CADPS: variants seen among roughly 807,000 people sequenced by gnomAD.
CADPS encodes the protein calcium dependent secretion activator, also known as calcium-dependent secretion activator 1.
A neutral mutation model predicts 167.3 loss-of-function variants in CADPS; 57 were observed. The ratio of observed to expected loss-of-function variants is 0.34; its 90% CI spans 0.28 to 0.42. The LOEUF (loss-of-function observed/expected upper bound fraction) is 0.42, where lower values mean the gene tolerates loss of function less well. Among genes scored for constraint, CADPS ranks in the 20% least tolerant of loss-of-function variants. CADPS has a pLI of 1.00. For missense variants in CADPS, 1,414 were observed against 1,738.1 expected, an observed-to-expected ratio of 0.81 and a Z score of 3.32; for synonymous variants, 676 against 635.3, an observed-to-expected ratio of 1.06 and a Z score of -0.96.
At chr3:62,656,124 G>A (rs965015463) in intron 4 of CADPS, among the ~76,000 whole-genome samples, 1 of 152,150 alleles carries the variant, frequency 6.6e-6, no homozygotes, top group Non-Finnish European at 1.5e-5. Context: ...ATTGTGAAAA[G>A]TAGAGATCAT....
chr3:62,552,334 A>T (rs1222682509), intron 10 of CADPS, among the ~76,000 whole-genome samples: 3 of 152,078 alleles, frequency 2.0e-5, no homozygotes, highest in Non-Finnish European at 4.4e-5. Flanking sequence ...CATATGTAAC[A>T]AACCTGCACG....
At position 62,718,718 on chromosome 3, in the gene CADPS, A is replaced by T. The variant is rs17067014; in HGVS notation, c.888+34723T>A. 4.2e-3 allele frequency among the ~76,000 whole-genome samples: 636 copies of T among 152,372 alleles called. 10 individuals carry two copies. The highest frequency in any genetic ancestry group is 0.028 in the Admixed American group (423 of 15,306). On this transcript the variant is annotated intron_variant, in intron 3 of 29. Coordinates refer to ENST00000383710, the MANE Select transcript of CADPS (RefSeq NM_003716.4). ...CTAATCCTACATTTCTGAAAGACAG[A>T]GTGCAACCCACATTCCCAGGAGGGA...
At chr3:62,603,805 G>T (rs1179464502) in intron 6 of CADPS, among the ~76,000 whole-genome samples, 1 of 151,878 alleles carries the variant, frequency 6.6e-6, no homozygotes, top group African/African-American at 2.4e-5. Flanking sequence ...ATCTGAATCT[G>T]GTTCTGATGC....
intron 3 of CADPS, among the ~76,000 whole-genome samples, chr3:62,742,294 TC>T (rs1474043190): frequency 6.6e-6 from 1 of 151,860 alleles, no homozygotes; most frequent in Non-Finnish European, 1.5e-5. Flanking sequence ...TCATACGGAA[TC>T]AAAAAAGAGC....
At chr3:62,585,407 G>A in intron 7 of CADPS, 83 bp from the exon 8 acceptor site, 1 of 1,420,298 alleles carries the variant, frequency 7.0e-7, no homozygotes, top group Admixed American at 2.3e-5. Context: ...TCTGAGTAGT[G>A]GAGTGACTTG....
intron 13 of CADPS, among the ~76,000 whole-genome samples, chr3:62,522,892 C>G (rs1392965758): frequency 1.3e-5 from 2 of 152,200 alleles, no homozygotes; most frequent in Non-Finnish European, 2.9e-5. Context: ...CCTGGAAGCT[C>G]TCCCACCTGC....
At chr3:62,795,159 C>T (rs1262178486) in intron 1 of CADPS, among the ~76,000 whole-genome samples, 1 of 152,134 alleles carries the variant, frequency 6.6e-6, no homozygotes, top group African/African-American at 2.4e-5. Flanking sequence ...ATCTTGATCT[C>T]TTGTCTCACT....
At chr3:62,699,719 C>T in intron 3 of CADPS, among the ~76,000 whole-genome samples, 1 of 152,064 alleles carries the variant, frequency 6.6e-6, no homozygotes. Context: ...CAGGCATCTG[C>T]CACCACACCC....
At chr3:62,821,918 C>T (rs1346424281) in intron 1 of CADPS, among the ~76,000 whole-genome samples, 4 of 152,128 alleles carry the variant, frequency 2.6e-5, no homozygotes, top group Non-Finnish European at 5.9e-5. Flanking sequence ...GTTTAGTTCT[C>T]TGTGGTTCTA....
chr3:62,721,756 TATTTA>T (rs2075878263), intron 3 of CADPS, among the ~76,000 whole-genome samples: 1 of 152,190 alleles, frequency 6.6e-6, no homozygotes, highest in Admixed American at 6.5e-5. Context: ...TTATGCACAT[TATTTA>T]ATTTAATTTA....
At chr3:62,669,050 G>A (rs1316202701) in intron 3 of CADPS, among the ~76,000 whole-genome samples, 1 of 152,214 alleles carries the variant, frequency 6.6e-6, no homozygotes, top group African/African-American at 2.4e-5. Flanking sequence ...TCTCTTTCCT[G>A]ATTAAAGCGT....
At chr3:62,448,672 G>A (rs1190658518) in intron 26 of CADPS, among the ~76,000 whole-genome samples, 4 of 152,010 alleles carry the variant, frequency 2.6e-5, no homozygotes, top group African/African-American at 9.7e-5. Context: ...GGAGTGCAGT[G>A]GCGCGATCTC....
chr3:62,551,668 A>C (rs1480903939), intron 10 of CADPS, among the ~76,000 whole-genome samples: 3 of 148,928 alleles, frequency 2.0e-5, no homozygotes, highest in Admixed American at 6.7e-5. Context: ...CTCTCCTAAT[A>C]CTCTCTCTCT....
At chr3:62,498,917 C>T (rs1157951691) in intron 18 of CADPS, among the ~76,000 whole-genome samples, 1 of 152,188 alleles carries the variant, frequency 6.6e-6, no homozygotes, top group African/African-American at 2.4e-5. Context: ...AAGCACTCAC[C>T]TCATTTGTTC....
intron 28 of CADPS, among the ~76,000 whole-genome samples, chr3:62,411,440 A>G (rs370852539): frequency 6.6e-6 from 1 of 152,184 alleles, no homozygotes; most frequent in East Asian, 1.9e-4. Context: ...GTGAACTATT[A>G]TTTAAGGGAA....
intron 10 of CADPS, among the ~76,000 whole-genome samples, chr3:62,555,473 G>A (rs2077986330): frequency 6.6e-6 from 1 of 152,176 alleles, no homozygotes; most frequent in South Asian, 2.1e-4. Flanking sequence ...GCGTGACATG[G>A]GTTAGACCCG....
chr3:62,576,817 A>AGCAGTCC (rs1409403334), intron 8 of CADPS, among the ~76,000 whole-genome samples: 3 of 148,852 alleles, frequency 2.0e-5, no homozygotes, highest in Non-Finnish European at 4.5e-5. Context: ...AAAAAAAAAA[A>AGCAGTCC]GCAGTCCTAG....
chr3:62,505,541 G>A (rs1350870293), intron 17 of CADPS, among the ~76,000 whole-genome samples: 1 of 152,174 alleles, frequency 6.6e-6, no homozygotes, highest in East Asian at 1.9e-4. Context: ...AGCCTCCAAG[G>A]CAGCCTTCAG....
intron 4 of CADPS, among the ~76,000 whole-genome samples, chr3:62,654,361 C>T (rs1194333409): frequency 6.6e-6 from 1 of 152,086 alleles, no homozygotes; most frequent in Non-Finnish European, 1.5e-5. Flanking sequence ...TGATGCAAAT[C>T]CTTCCTGAGA....
Sources: allele counts gnomAD v4.1 joint callset (sites outside exome capture counted in the v4.1 genomes callset), GRCh38; gene constraint gnomAD v4.1.1; transcripts MANE v1.5; gene names NCBI Gene and HGNC (gene_info 2026-07-23, HGNC 2026-07-21).